Variants in ELK4 observed in about 807,000 individuals in gnomAD.
ELK4 encodes the protein ETS transcription factor ELK4.
ELK4 carries 16 observed loss-of-function variants against 29.6 expected under a neutral mutation model. The observed-to-expected ratio is 0.54, with a 90% CI of 0.37 to 0.82. ELK4 has a LOEUF of 0.82. Among genes scored for constraint, ELK4 ranks in the 40% least tolerant of loss-of-function variants. ELK4 has a pLI of 0.00. For missense variants in ELK4, 465 were observed against 507.1 expected (o/e 0.92, Z 0.80); for synonymous variants, 213 against 191.1 (o/e 1.11, Z -0.95).
At chr1:205,630,962 A>G (rs1456096389) in intron 1 of ELK4, among the ~76,000 whole-genome samples, 1 of 152,232 alleles carries the variant, frequency 6.6e-6, no homozygotes, top group Non-Finnish European at 1.5e-5. Context: ...TCAAATAGCA[A>G]TAGCTGGAGA....
At chr1:205,626,217 C>T in intron 1 of ELK4, 1 of 555,274 alleles carries the variant, frequency 1.8e-6, no homozygotes, top group Non-Finnish European at 3.5e-6. Context: ...CCTTTCTTGA[C>T]CTCCTCCTCC....
chr1:205,620,073 A>C lies in ELK4; in HGVS notation c.973T>G (p.Leu325Val). 1 of 1,614,200 alleles carries C rather than the reference A, an allele frequency of 6.2e-7. No homozygotes were observed. The highest frequency in any genetic ancestry group is 8.5e-7 in the Non-Finnish European group (1 of 1,180,044). The change falls in exon 3 of 5, where the codon TTA (leucine) becomes GTA (valine). Residue 325 changes from leucine to valine, a missense_variant. This residue lies in a region of ELK4 where 385 missense variants were observed against 387.5 expected (regional missense o/e 0.99). Transcript: ENST00000357992. Reference protein sequence around the residue: ...NSSRSKKPKGLELAPTLVITS... With the variant: ...NSSRSKKPKGVELAPTLVITS... The stretch of plus-strand genomic sequence containing the variant: ...ATCACAAGGGTGGGTGCCAGTTCTA[A>C]CCCTTTGGGTTTCTTGGATCTTGAT...
intron 2 of ELK4, among the ~76,000 whole-genome samples, chr1:205,622,539 T>C (rs1346474633): frequency 6.6e-6 from 1 of 151,990 alleles, no homozygotes; most frequent in Non-Finnish European, 1.5e-5. Flanking sequence ...ACTACAGGTG[T>C]ACACCACCGC....
chr1:205,614,246 A>G lies in ELK4; in HGVS notation c.*2300T>C, dbSNP rs896727592. The G allele has an allele frequency of 4.5e-6, 1 of 220,476 alleles. No individual in the cohort carries two copies. Among genetic ancestry groups the G allele is most frequent in the Non-Finnish European group, 9.1e-6 (1 of 110,120 alleles). 13.7% of individuals were successfully genotyped at this position (220,476 alleles called of 1,614,324 possible). A position where few individuals can be genotyped will look rare whatever the true frequency, so the allele number is the denominator to read the frequency against. ...TTCCAAGGTACCTCTGTGCTGAGAC[A>G]GTTAATTATTAAAAATACTGTCTGT... On this transcript the variant is annotated 3_prime_UTR_variant, in exon 5 of 5. Coordinates refer to ENST00000357992, the MANE Select transcript of ELK4 (RefSeq NM_001973.4).
In ELK4 at chr1:205,620,162, T is replaced by C. The variant is rs1230610111; in HGVS notation, c.884A>G (p.Asn295Ser). ...VASQPMELPE[N>S]LSLEPKDQDS... ...CTGGTCTTTAGGCTCCAGTGACAAATTCTCTGGAAGTTCCATTGGCTGAGA... is the reference window on the plus strand; with the variant it reads ...CTGGTCTTTAGGCTCCAGTGACAAACTCTCTGGAAGTTCCATTGGCTGAGA... The change falls in exon 3 of 5, where the codon AAT (asparagine) becomes AGT (serine). Residue 295 changes from asparagine (N) to serine (S), a missense_variant. By Grantham distance (46) the Asn-to-Ser change is conservative. Coordinates refer to ENST00000357992, the MANE Select transcript of ELK4 (RefSeq NM_001973.4). 4 of 1,614,126 alleles carry C rather than the reference T, an allele frequency of 2.5e-6. No homozygotes were observed. The African/African-American group carries it at 4.0e-5, about 16-fold the overall frequency.
Position 205,620,716 on chromosome 1 carries a change from G to A in ELK4, c.330C>T (p.Phe110=), listed in dbSNP as rs142399517. 341 of 1,614,034 alleles carry A rather than the reference G, an allele frequency of 2.1e-4. 1 individual carries two copies. In the African/African-American group the frequency reaches 4.0e-3, roughly 19 times the overall value. ...RIEGDCESLN[F]SEVSSSSKDV... ...CTTTGGAACTGCTGCTGACTTCACT[G>A]AAGTTTAAACTTTCACAGTCACCCT... Residue 110 remains phenylalanine, a synonymous_variant, in exon 3 of 5, where the codon TTC becomes TTT. Coordinates refer to ENST00000357992, the MANE Select transcript of ELK4 (RefSeq NM_001973.4).
At position 205,620,768 on chromosome 1, in the gene ELK4, A is replaced by C; in HGVS notation, c.278T>G (p.Met93Arg). Residue 93 changes from methionine to arginine, a missense_variant, in exon 3 of 5, where the codon ATG (methionine) becomes AGG (arginine). Coordinates refer to ENST00000357992, the MANE Select transcript of ELK4 (RefSeq NM_001973.4). ...KFVSYPEILNMDPMTVGRIEG... is the reference protein window; with the variant it reads ...KFVSYPEILNRDPMTVGRIEG... Reference sequence around the variant, plus strand: ...AATCCTGCCCACTGTCATTGGATCCATGTTCAAAATCTCTGGATAAGAGAC... The same window carrying C: ...AATCCTGCCCACTGTCATTGGATCCCTGTTCAAAATCTCTGGATAAGAGAC... 6.2e-7 allele frequency: 1 copy of C among 1,614,050 alleles called. No individual in the cohort carries two copies. The highest frequency in any genetic ancestry group is 8.5e-7 in the Non-Finnish European group (1 of 1,180,024).
chr1:205,626,512 T>C (rs749907963), intron 1 of ELK4, among the ~76,000 whole-genome samples: 28 of 151,776 alleles, frequency 1.8e-4, no homozygotes, highest in Non-Finnish European at 3.5e-4. Context: ...GGGGGGTAGT[T>C]GGAAGGGACT....
In ELK4 at chr1:205,608,988, T is replaced by C. The variant is rs918748055; in HGVS notation, c.*7558A>G. Reference sequence around the variant, plus strand: ...AATTACAGATTGGCTTAATGAAAATTAAGAGTTTATTATTAAGCATCTTTT... The same window carrying C: ...AATTACAGATTGGCTTAATGAAAATCAAGAGTTTATTATTAAGCATCTTTT... On this transcript the variant is annotated 3_prime_UTR_variant, in exon 5 of 5. Transcript: ENST00000357992. The C allele has an allele frequency of 4.8e-5, 9 of 188,868 alleles. No homozygotes were observed. The highest frequency in any genetic ancestry group is 1.2e-4 in the African/African-American group (5 of 42,874). The allele number at this position is 188,868 out of a possible 1,614,324, so 11.7% of individuals were successfully genotyped here. A position where few individuals can be genotyped will look rare whatever the true frequency, so the allele number is the denominator to read the frequency against.
chr1:205,623,184 T>G (rs999853202), intron 2 of ELK4, among the ~76,000 whole-genome samples: 1 of 150,170 alleles, frequency 6.7e-6, no homozygotes, highest in Non-Finnish European at 1.5e-5. Context: ...AAGAAGAAGA[T>G]TTGGTAGAGA....
At chr1:205,618,053 T>A (rs1035629559) in intron 4 of ELK4, among the ~76,000 whole-genome samples, 2 of 151,722 alleles carry the variant, frequency 1.3e-5, no homozygotes, top group African/African-American at 2.4e-5. Flanking sequence ...TGAGACAAGG[T>A]CTCACTGTGT....
chr1:205,619,252 A>G, intron 3 of ELK4, 179 bp from the exon 4 acceptor site: 1 of 1,060,916 alleles, frequency 9.4e-7, no homozygotes. Context: ...AGAGGGATAA[A>G]GGTGATAATA....
chr1:205,618,641 T>C (rs1670275266), intron 4 of ELK4, among the ~76,000 whole-genome samples: 1 of 152,104 alleles, frequency 6.6e-6, no homozygotes, highest in Non-Finnish European at 1.5e-5. Context: ...CTGGACAACA[T>C]GGTCAAACCC....
At chr1:205,623,206 C>A (rs1670385231) in intron 2 of ELK4, among the ~76,000 whole-genome samples, 1 of 149,608 alleles carries the variant, frequency 6.7e-6, no homozygotes. Flanking sequence ...TCAGCCGGAA[C>A]ATTTATACCT....
At chr1:205,617,282 A>AT (rs894276340) in intron 4 of ELK4, among the ~76,000 whole-genome samples, 1 of 152,224 alleles carries the variant, frequency 6.6e-6, no homozygotes, top group African/African-American at 2.4e-5. Context: ...GAGATTTTTA[A>AT]TTTTCCTCTT....
rs1217257800 is a variant in ELK4, at chr1:205,614,795, T to C, written c.*1751A>G. The C allele has an allele frequency of 2.6e-5, 6 of 227,646 alleles. No homozygotes were observed. The highest frequency in any genetic ancestry group is 1.3e-3 in the Middle Eastern group (1 of 784). 14.1% of individuals were successfully genotyped at this position (227,646 alleles called of 1,614,324 possible). ...AGTTCTTACTTCTTCATTTAGTTCATGTGATTCTACAGGATTAGAAGACGA... is the reference window on the plus strand; with the variant it reads ...AGTTCTTACTTCTTCATTTAGTTCACGTGATTCTACAGGATTAGAAGACGA... On this transcript the variant is annotated 3_prime_UTR_variant, in exon 5 of 5. Coordinates refer to ENST00000357992, the MANE Select transcript of ELK4 (RefSeq NM_001973.4).
rs1464097798 is a variant in ELK4, at chr1:205,620,074, C to A, written c.972G>T (p.Gly324=). ...NNSSRSKKPK[G]LELAPTLVIT... ...TCACAAGGGTGGGTGCCAGTTCTAACCCTTTGGGTTTCTTGGATCTTGATG... is the reference window on the plus strand; with the variant it reads ...TCACAAGGGTGGGTGCCAGTTCTAAACCTTTGGGTTTCTTGGATCTTGATG... Residue 324 remains glycine, a synonymous_variant, in exon 3 of 5, where the codon GGG becomes GGT. Coordinates refer to ENST00000357992, the MANE Select transcript of ELK4 (RefSeq NM_001973.4). 1 of 1,614,220 alleles carries A rather than the reference C, an allele frequency of 6.2e-7. No homozygotes were observed. Among genetic ancestry groups the A allele is most frequent in the Non-Finnish European group, 8.5e-7 (1 of 1,180,044 alleles).
In ELK4 at chr1:205,625,740, G is replaced by A. The variant is rs571940234; in HGVS notation, c.-9-1849C>T. On this transcript the variant is annotated intron_variant, in intron 1 of 4. Transcript: ENST00000357992. The stretch of plus-strand genomic sequence containing the variant: ...GTCACCCAGGCTGGAGTGCAGTGGC[G>A]CAATCTGGGCTCACTGCAACCTCCG... 70 of 680,734 alleles carry A rather than the reference G, an allele frequency of 1.0e-4. 1 individual carries two copies. In the East Asian group the frequency reaches 1.6e-3, roughly 15 times the overall value. The allele number at this position is 680,734 out of a possible 1,614,324, so 42.2% of individuals were successfully genotyped here.
At position 205,620,270 on chromosome 1, in the gene ELK4, G is replaced by C. The variant is rs1312248985; in HGVS notation, c.776C>G (p.Pro259Arg). 3 of 1,614,180 alleles carry C rather than the reference G, an allele frequency of 1.9e-6. No individual in the cohort carries two copies. The highest frequency in any genetic ancestry group is 2.5e-6 in the Non-Finnish European group (3 of 1,180,042). ...FATTPPISSI[P>R]PLQEPPRTPS... ...TGTTCTGGGAGGTTCCTGCAAAGGGGGTATGGACGAAATGGGTGGTGTGGT... is the reference window on the plus strand; with the variant it reads ...TGTTCTGGGAGGTTCCTGCAAAGGGCGTATGGACGAAATGGGTGGTGTGGT... Residue 259 changes from proline to arginine, a missense_variant, in exon 3 of 5, where the codon CCC becomes CGC. Physicochemically the swap from Pro to Arg is moderately radical, Grantham distance 103. Transcript: ENST00000357992.
Sources: allele counts gnomAD v4.1 joint callset (sites outside exome capture counted in the v4.1 genomes callset), GRCh38; gene constraint gnomAD v4.1.1; regional missense constraint gnomAD v4.1.1; transcripts MANE v1.5; gene names NCBI Gene and HGNC (gene_info 2026-07-23, HGNC 2026-07-21).